The following RTN4 variants were observed in gnomAD, a reference collection of about 807,000 sequenced individuals.
RTN4 encodes reticulon-4.
A neutral mutation model predicts 90.4 loss-of-function variants in RTN4; 32 were observed. The observed-to-expected ratio is 0.35, with a 90% CI of 0.27 to 0.48. RTN4 has a LOEUF of 0.48. Ranked by LOEUF, RTN4 falls within the 20% of genes least tolerant of loss-of-function variation. The pLI is 0.99. For missense variants in RTN4, 1,706 were observed against 1,430.2 expected (o/e 1.19, Z -3.11); for synonymous variants, 629 against 552.5 (o/e 1.14, Z -1.94).
intron 1 of RTN4, among the ~76,000 whole-genome samples, chr2:55,107,861 G>C (rs1341701705): frequency 1.3e-5 from 2 of 152,090 alleles, no homozygotes; most frequent in Admixed American, 1.3e-4. Flanking sequence ...ATGTGGTATA[G>C]ATAAATATAC....
chr2:55,046,599 G>A (rs1231716821), intron 1 of RTN4, among the ~76,000 whole-genome samples: 1 of 152,046 alleles, frequency 6.6e-6, no homozygotes, highest in East Asian at 1.9e-4. Flanking sequence ...ACTATTCTGG[G>A]TTCTTTATTT....
chr2:55,070,922 G>A (rs1668500427), intron 2 of RTN4, among the ~76,000 whole-genome samples: 1 of 151,728 alleles, frequency 6.6e-6, no homozygotes, highest in Non-Finnish European at 1.5e-5. Flanking sequence ...GACTACAGGT[G>A]CCCACCACCA....
chr2:54,984,442 AATT>A (rs1678388381), intron 4 of RTN4, among the ~76,000 whole-genome samples: 1 of 152,210 alleles, frequency 6.6e-6, no homozygotes, highest in Non-Finnish European at 1.5e-5. Context: ...TTAAACCAGC[AATT>A]ATTTGTTTAC....
At chr2:55,072,050 C>G (rs1052978506) in intron 2 of RTN4, among the ~76,000 whole-genome samples, 2 of 152,148 alleles carry the variant, frequency 1.3e-5, no homozygotes, top group Non-Finnish European at 2.9e-5. Flanking sequence ...CAATAAGCAG[C>G]TCCCACCACT....
At chr2:55,034,172 T>TA (rs943886780) in intron 1 of RTN4, among the ~76,000 whole-genome samples, 5 of 152,094 alleles carry the variant, frequency 3.3e-5, no homozygotes, top group Admixed American at 6.6e-5. Context: ...AGTGACAGCT[T>TA]AAAAAAACAG....
At chr2:55,057,519 G>A (rs1341943646) in intron 2 of RTN4, among the ~76,000 whole-genome samples, 1 of 152,160 alleles carries the variant, frequency 6.6e-6, no homozygotes, top group Non-Finnish European at 1.5e-5. Flanking sequence ...TACTATTAGA[G>A]CAGAATAAGG....
intron 3 of RTN4, chr2:55,010,206 G>T: frequency 6.3e-7 from 1 of 1,599,722 alleles, no homozygotes; most frequent in Admixed American, 1.7e-5. Flanking sequence ...TACTCCCTGA[G>T]ACATGAAATA....
At chr2:55,010,218 C>G (rs946483078) in intron 3 of RTN4, 4 of 1,590,316 alleles carry the variant, frequency 2.5e-6, no homozygotes, top group African/African-American at 1.4e-5. Flanking sequence ...CATGAAATAC[C>G]CGTTTCCTCA....
chr2:55,098,520 A>G (rs1337256542), intron 1 of RTN4, among the ~76,000 whole-genome samples: 1 of 152,080 alleles, frequency 6.6e-6, no homozygotes, highest in Non-Finnish European at 1.5e-5. Flanking sequence ...TTTTGAAGCA[A>G]ATGCCAGAGA....
intron 1 of RTN4, among the ~76,000 whole-genome samples, chr2:55,031,411 T>A (rs1682305420): frequency 6.6e-6 from 1 of 152,128 alleles, no homozygotes; most frequent in South Asian, 2.1e-4. Flanking sequence ...CAGGGTAACA[T>A]ACAAAGTAAA....
At chr2:55,005,811 T>A (rs960023708) in intron 3 of RTN4, among the ~76,000 whole-genome samples, 1 of 152,196 alleles carries the variant, frequency 6.6e-6, no homozygotes. Context: ...GTTATACCCA[T>A]AGGCTGGAAG....
chr2:55,113,856 T>C (rs1668079438), upstream of RTN4, among the ~76,000 whole-genome samples: 2 of 152,158 alleles, frequency 1.3e-5, no homozygotes, highest in African/African-American at 2.4e-5. Flanking sequence ...CACAGGCCCT[T>C]CACTGCTCTT....
At position 55,027,123 on chromosome 2, in the gene RTN4, T is replaced by C. The variant is rs142398245; in HGVS notation, c.976A>G (p.Lys326Glu). The C allele has an allele frequency of 1.4e-5, 22 of 1,613,388 alleles. No homozygotes were observed. In the African/African-American group the frequency reaches 2.4e-4, roughly 18 times the overall value. ...VANPREEIIV[K>E]NKDEEEKLVS... ...AACTTCTCTTCTTCATCTTTATTTT[T>C]CACGATTATTTCTTCCCTAGGATTT... The change falls in exon 3 of 9, where the codon AAA (lysine) becomes GAA (glutamate). Residue 326 changes from lysine to glutamate, a missense_variant. By Grantham distance (56) the Lys-to-Glu change is moderately conservative. Coordinates refer to ENST00000337526, the MANE Select transcript of RTN4 (RefSeq NM_020532.5).
rs1161491505 is a variant in RTN4 at position 54,981,058 on chromosome 2, T to G, written c.3360+1457A>C. On this transcript the variant is annotated intron_variant, in intron 5 of 8. Coordinates refer to ENST00000337526, the MANE Select transcript of RTN4 (RefSeq NM_020532.5). ...ACATCAGATCATTTTAAAACACCAC[T>G]ACAGATTTAGTCACTAAATGCAACC... Among the ~76,000 whole-genome samples, 5 of 152,190 alleles carry G rather than the reference T, an allele frequency of 3.3e-5. No individual in the cohort carries two copies. The South Asian group carries it at 1.0e-3, about 32-fold the overall frequency.
intron 2 of RTN4, among the ~76,000 whole-genome samples, chr2:55,077,756 TAC>T (rs200121610): frequency 0.34 from 48,332 of 144,184 alleles, 7,999 homozygotes; most frequent in East Asian, 0.53. Flanking sequence ...AAATGTTTTA[TAC>T]ACACACACAC....
At chr2:55,035,817 A>G (rs1682639032) in intron 1 of RTN4, among the ~76,000 whole-genome samples, 1 of 152,182 alleles carries the variant, frequency 6.6e-6, no homozygotes, top group South Asian at 2.1e-4. Context: ...ACAATAAATT[A>G]GACAACTTAG....
At chr2:55,078,600 A>G (rs1015007832) in intron 2 of RTN4, among the ~76,000 whole-genome samples, 1 of 152,246 alleles carries the variant, frequency 6.6e-6, no homozygotes, top group Non-Finnish European at 1.5e-5. Context: ...AAAACCTGCT[A>G]GTAATACTTG....
chr2:55,004,234 GACATTCAATA>G (rs1349394587), intron 3 of RTN4, among the ~76,000 whole-genome samples: 4 of 152,070 alleles, frequency 2.6e-5, no homozygotes, highest in African/African-American at 7.2e-5. Flanking sequence ...AGAAGTATAC[GACATTCAATA>G]ACATGCCACA....
At chr2:55,126,236 G>A in the RTN4 span, among the ~76,000 whole-genome samples, 6 of 152,066 alleles carry the variant, frequency 3.9e-5, no homozygotes, top group Non-Finnish European at 8.8e-5. Flanking sequence ...GGGTGTGGTG[G>A]CGCATGCCTG....
Sources: allele counts gnomAD v4.1 joint callset (sites outside exome capture counted in the v4.1 genomes callset), GRCh38; gene constraint gnomAD v4.1.1; transcripts MANE v1.5; gene names NCBI Gene and HGNC (gene_info 2026-07-23, HGNC 2026-07-21).